IRS2: variants seen among roughly 807,000 people sequenced by gnomAD.
IRS2 encodes insulin receptor substrate 2.
Under a neutral mutation model 70.9 loss-of-function variants are expected in IRS2, and 28 were observed. The observed-to-expected ratio is 0.39, with a 90% CI of 0.29 to 0.54. The LOEUF (loss-of-function observed/expected upper bound fraction) is 0.54. Among genes scored for constraint, IRS2 ranks in the 20% least tolerant of loss-of-function variants. The probability of loss-of-function intolerance (pLI) is 0.59; values close to 1 mark genes in which losing one functional copy is unlikely to be tolerated. For synonymous variants in IRS2, 1,217 were observed against 981.9 expected, an observed-to-expected ratio of 1.24 and a Z score of -4.48; for missense variants, 2,081 against 2,024.1, an observed-to-expected ratio of 1.03 and a Z score of -0.54.
intron 1 of IRS2, among the ~76,000 whole-genome samples, chr13:109,781,291 C>T (rs1395428206): frequency 3.3e-5 from 5 of 152,146 alleles, no homozygotes; most frequent in Non-Finnish European, 1.5e-5. Flanking sequence ...GCCTGGGCCG[C>T]GCCCCAAAGC....
chr13:109,755,021 G>A lies in IRS2; in HGVS notation c.*1283C>T. On this transcript the variant is annotated 3_prime_UTR_variant, in exon 2 of 2. Transcript: ENST00000375856. The stretch of plus-strand genomic sequence containing the variant: ...CAGAACATTCTGCCGGTCAAGTTCA[G>A]CAGTTTTAGGTAACATCTGCGAGAA... The A allele has an allele frequency of 4.4e-6, 1 of 227,458 alleles. No individual in the cohort carries two copies. The highest frequency in any genetic ancestry group is 8.7e-6 in the Non-Finnish European group (1 of 114,420). The allele number at this position is 227,458 out of a possible 1,614,324, so 14.1% of individuals were successfully genotyped here. A position where few individuals can be genotyped will look rare whatever the true frequency, so the allele number is the denominator to read the frequency against.
Position 109,783,521 on chromosome 13 carries a change from G to A in IRS2, c.2533C>T (p.Pro845Ser), listed in dbSNP as rs754439736. Residue 845 changes from proline to serine, a missense_variant, in exon 1 of 2, where the codon CCA (proline) becomes TCA (serine). This residue lies in a region of IRS2 where 1,615 missense variants were observed against 1,459.5 expected (regional missense o/e 1.11). Transcript: ENST00000375856. ...EEERLEPQAT[P>S]GPSQAASAFG... ...GCGCTGGCCGCCTGGCTGGGCCCTGGCGTGGCCTGAGGCTCCAGACGCTCC... is the reference window on the plus strand; with the variant it reads ...GCGCTGGCCGCCTGGCTGGGCCCTGACGTGGCCTGAGGCTCCAGACGCTCC... The A allele has an allele frequency of 3.4e-5, 53 of 1,548,220 alleles. No homozygotes were observed. The highest frequency in any genetic ancestry group is 4.5e-5 in the Non-Finnish European group (52 of 1,146,448).
Position 109,782,913 on chromosome 13 carries a change from G to A in IRS2, c.3141C>T (p.Ala1047=). 1.3e-6 allele frequency: 2 copies of A among 1,546,154 alleles called. No individual in the cohort carries two copies. Among genetic ancestry groups the A allele is most frequent in the East Asian group, 2.4e-5 (1 of 40,866 alleles). ...GGCCCTGGGCGGTGGCAACGGCCGA[G>A]GCGGGGGGCAGGCGGTACAGCTCCC... ...APGELYRLPP[A]SAVATAQGPG... Residue 1047 remains alanine (A), a synonymous_variant, in exon 1 of 2, where the codon GCC becomes GCT. Coordinates refer to ENST00000375856, the MANE Select transcript of IRS2 (RefSeq NM_003749.3).
rs1312374947 is a variant in IRS2, at chr13:109,755,083, T to A, written c.*1221A>T. ...TGGTATTTTCAGAATACTGAAAACA[T>A]AAAACAAGGGTAGTCTTGTCCGGAA... On this transcript the variant is annotated 3_prime_UTR_variant, in exon 2 of 2. Transcript: ENST00000375856. 8.7e-6 allele frequency: 2 copies of A among 230,842 alleles called. No homozygotes were observed. The highest frequency in any genetic ancestry group is 4.4e-5 in the African/African-American group (2 of 45,222). The allele number at this position is 230,842 out of a possible 1,614,324, so 14.3% of individuals were successfully genotyped here.
Position 109,755,833 on chromosome 13 carries a change from T to G in IRS2, c.*471A>C, listed in dbSNP as rs1015106657. On this transcript the variant is annotated 3_prime_UTR_variant, in exon 2 of 2. Coordinates refer to ENST00000375856, the MANE Select transcript of IRS2 (RefSeq NM_003749.3). ...GGACCCCCGCCACGGAAATCCGGCTTTACCTTGAACTGAGGTAGGACTGTG... is the reference window on the plus strand; with the variant it reads ...GGACCCCCGCCACGGAAATCCGGCTGTACCTTGAACTGAGGTAGGACTGTG... 3.9e-5 allele frequency: 9 copies of G among 228,220 alleles called. No homozygotes were observed. In the South Asian group the frequency reaches 9.5e-4, roughly 24 times the overall value. 14.1% of individuals were successfully genotyped at this position (228,220 alleles called of 1,614,324 possible).
rs1877090070 is a variant in IRS2, at chr13:109,755,624, AG to A, written c.*679del. 4.9e-6 allele frequency: 1 copy of A among 203,358 alleles called. No individual in the cohort carries two copies. Among genetic ancestry groups the A allele is most frequent in the African/African-American group, 2.3e-5 (1 of 43,648 alleles). The allele number at this position is 203,358 out of a possible 1,614,324, so 12.6% of individuals were successfully genotyped here. ...TTATTATTTAGTAATCCGTCTTCAAAGTCCAATCCCAAATTTCACTTCCATT... is the reference window on the plus strand; with the variant it reads ...TTATTATTTAGTAATCCGTCTTCAAATCCAATCCCAAATTTCACTTCCATT... On this transcript the variant is annotated 3_prime_UTR_variant, in exon 2 of 2. Transcript: ENST00000375856.
chr13:109,754,300 G>C lies in IRS2; in HGVS notation c.*2004C>G, dbSNP rs1394175816. ...AATGTACAGGATAGAGGAAAATTTA[G>C]CATATTATCATCTGTGTATTTTGCT... On this transcript the variant is annotated 3_prime_UTR_variant, in exon 2 of 2. Coordinates refer to ENST00000375856, the MANE Select transcript of IRS2 (RefSeq NM_003749.3). 2 of 225,696 alleles carry C rather than the reference G, an allele frequency of 8.9e-6. No homozygotes were observed. The highest frequency in any genetic ancestry group is 1.8e-4 in the South Asian group (1 of 5,474). 14.0% of individuals were successfully genotyped at this position (225,696 alleles called of 1,614,324 possible).
In IRS2 at chr13:109,785,424, G is replaced by A. The variant is rs1309034436; in HGVS notation, c.630C>T (p.Ser210=). The part of the protein sequence containing the change: ...VNLKPKGLGQ[S]KNLTGVYRLC... The stretch of plus-strand genomic sequence containing the variant: ...GACGGTACACCCCCGTCAGGTTCTT[G>A]CTCTGGCCCAGACCCTTGGGCTTCA... The change falls in exon 1 of 2, where the codon AGC becomes AGT. Residue 210 remains serine (S), a synonymous_variant. Transcript: ENST00000375856. This position sits in a 1 kb window ranked among gnomAD's most constrained non-coding sequence, Gnocchi z 9.3. 6.2e-7 allele frequency: 1 copy of A among 1,612,362 alleles called. No individual in the cohort carries two copies. Among genetic ancestry groups the A allele is most frequent in the African/African-American group, 1.3e-5 (1 of 75,052 alleles).
Position 109,784,322 on chromosome 13 carries a change from GGGA to G in IRS2, c.1729_1731del (p.Ser577del), listed in dbSNP as rs1275029070. On this transcript the variant is annotated inframe_deletion, in exon 1 of 2. Transcript: ENST00000375856. The surrounding 1 kb of genome is among the most constrained non-coding windows in gnomAD (Gnocchi z 5.2). ...GGCCGCTGCCGGGCTGGCGTGGTCA[GGGA>G]GTAGGTCCTCTTGCGCAGCCCTCGG... 1 of 1,605,408 alleles carries G rather than the reference GGGA, an allele frequency of 6.2e-7. No individual in the cohort carries two copies. The highest frequency in any genetic ancestry group is 8.5e-7 in the Non-Finnish European group (1 of 1,177,444).
intron 1 of IRS2, among the ~76,000 whole-genome samples, chr13:109,760,767 G>GAA (rs912273141): frequency 6.6e-6 from 1 of 152,160 alleles, no homozygotes; most frequent in Non-Finnish European, 1.5e-5. Context: ...TGACTCCCCC[G>GAA]AAAGAGAGAA....
rs762228655 is a variant in IRS2, at chr13:109,782,245, G to A, written c.3809C>T (p.Pro1270Leu). ...CGGCTGAGGAAGCGGCGGCGGCGGC[G>A]GCTGCGGCTGGGGTGGCAGCCCGGG... ...EEPGLPPQPQ[P>L]PPPPLPQPGD... The change falls in exon 1 of 2, where the codon CCG (proline) becomes CTG (leucine). Residue 1270 changes from proline (P) to leucine (L), a missense_variant. Pro to Leu is a moderately conservative substitution (Grantham distance 98). Around this residue, in one of 4 missense-constraint regions of IRS2, gnomAD observed 1,615 missense variants for 1,459.5 expected, o/e 1.11. Transcript: ENST00000375856. 1.2e-6 allele frequency: 2 copies of A among 1,606,292 alleles called. No homozygotes were observed. The highest frequency in any genetic ancestry group is 2.2e-5 in the East Asian group (1 of 44,598).
At chr13:109,780,571 T>C (rs1877673938) in intron 1 of IRS2, among the ~76,000 whole-genome samples, 1 of 152,148 alleles carries the variant, frequency 6.6e-6, no homozygotes, top group South Asian at 2.1e-4. Flanking sequence ...ACAGCTATAA[T>C]TTTAAATCCC....
At position 109,782,760 on chromosome 13, in the gene IRS2, C is replaced by T; in HGVS notation, c.3294G>A (p.Val1098=). The T allele has an allele frequency of 1.2e-6, 2 of 1,602,368 alleles. No homozygotes were observed. The highest frequency in any genetic ancestry group is 1.7e-6 in the Non-Finnish European group (2 of 1,175,060). Reference sequence around the variant, plus strand: ...TCTTCACGCCCGACGTCGGGCTGGCCACGCGGGCAGCTTCTGGCTTCGGGG... The same window carrying T: ...TCTTCACGCCCGACGTCGGGCTGGCTACGCGGGCAGCTTCTGGCTTCGGGG... ...AAPPKPEAAR[V]ASPTSGVKRL... is the part of the protein sequence containing the mutation. The change falls in exon 1 of 2, where the codon GTG becomes GTA. Residue 1098 remains valine, a synonymous_variant. Coordinates refer to ENST00000375856, the MANE Select transcript of IRS2 (RefSeq NM_003749.3).
At chr13:109,773,195 A>G (rs936967218) in intron 1 of IRS2, among the ~76,000 whole-genome samples, 2 of 152,198 alleles carry the variant, frequency 1.3e-5, no homozygotes, top group Admixed American at 6.5e-5. Context: ...TTAAAAAAAA[A>G]GAAAAAAACA....
rs374058377 is a variant in IRS2, at chr13:109,784,542, G to A, written c.1512C>T (p.Gly504=). Residue 504 remains glycine (G), a synonymous_variant, in exon 1 of 2, where the codon GGC becomes GGT. Coordinates refer to ENST00000375856, the MANE Select transcript of IRS2 (RefSeq NM_003749.3). The surrounding 1 kb of genome is among the most constrained non-coding windows in gnomAD (Gnocchi z 5.2). ...DPGFMSLDEY[G]SSPGDLRAFC... Reference sequence around the variant, plus strand: ...AGGCGCGCAGGTCGCCTGGGCTGGAGCCGTACTCGTCCAGGGACATGAAGC... The same window carrying A: ...AGGCGCGCAGGTCGCCTGGGCTGGAACCGTACTCGTCCAGGGACATGAAGC... The A allele has an allele frequency of 5.5e-5, 83 of 1,505,986 alleles. No individual in the cohort carries two copies. Among genetic ancestry groups the A allele is most frequent in the Middle Eastern group, 1.8e-4 (1 of 5,448 alleles). The allele number at this position is 1,505,986 out of a possible 1,614,324, so 93.3% of individuals were successfully genotyped here. A position where few individuals can be genotyped will look rare whatever the true frequency, so the allele number is the denominator to read the frequency against.
Position 109,783,372 on chromosome 13 carries a change from G to A in IRS2, c.2682C>T (p.Ser894=). The change falls in exon 1 of 2, where the codon TCC becomes TCT. Residue 894 remains serine (S), a synonymous_variant. Coordinates refer to ENST00000375856, the MANE Select transcript of IRS2 (RefSeq NM_003749.3). ...TGGGCAGGCTGGGCAGCCCCTCCAG[G>A]GACAGGCGCGTGGGCCTCACCGCCC... ...RGRAVRPTRL[S]LEGLPSLPSM... is the part of the protein sequence containing the mutation. The A allele has an allele frequency of 6.5e-7, 1 of 1,530,380 alleles. No homozygotes were observed. Among genetic ancestry groups the A allele is most frequent in the Non-Finnish European group, 8.7e-7 (1 of 1,148,670 alleles). 94.8% of individuals were successfully genotyped at this position (1,530,380 alleles called of 1,614,324 possible).
At chr13:109,758,542 T>C (rs112759492) in intron 1 of IRS2, among the ~76,000 whole-genome samples, 6,125 of 72,934 alleles carry the variant, frequency 0.084, 156 homozygotes, top group Admixed American at 0.15. Context: ...CCACTGACAT[T>C]TTCATTGTTT....
chr13:109,783,832 C>G lies in IRS2; in HGVS notation c.2222G>C (p.Gly741Ala). Residue 741 changes from glycine (G) to alanine (A), a missense_variant, in exon 1 of 2, where the codon GGG becomes GCG. Around this residue, in one of 4 missense-constraint regions of IRS2, gnomAD observed 1,615 missense variants for 1,459.5 expected, o/e 1.11. Coordinates refer to ENST00000375856, the MANE Select transcript of IRS2 (RefSeq NM_003749.3). ...GGAACCGCACCACATGCGCATGTAC[C>G]CACTGTCCTCGGGGGAGCTCTCGGC... Reference protein sequence around the residue: ...SPAESSPEDSGYMRMWCGSKL... With the variant: ...SPAESSPEDSAYMRMWCGSKL... 1.9e-6 allele frequency: 3 copies of G among 1,581,818 alleles called. No individual in the cohort carries two copies. Among genetic ancestry groups the G allele is most frequent in the East Asian group, 2.3e-5 (1 of 42,826 alleles).
chr13:109,780,579 C>T (rs766529247), intron 1 of IRS2, among the ~76,000 whole-genome samples: 31 of 152,166 alleles, frequency 2.0e-4, no homozygotes, highest in Middle Eastern at 3.4e-3. Flanking sequence ...AATTTTAAAT[C>T]CCATGGACCG....
Sources: gnomAD v4.1 joint callset for allele counts (sites outside exome capture counted in the v4.1 genomes callset) on GRCh38, gnomAD v4.1.1 for gene constraint, gnomAD v4.1.1 regional missense constraint, Gnocchi (gnomAD v3.1) non-coding constraint, MANE v1.5 for transcripts, NCBI Gene and HGNC (gene_info 2026-07-23, HGNC 2026-07-21) for gene names.